COPZ2: variants seen among roughly 807,000 people sequenced by gnomAD.
COPZ2 encodes coat protein complex I subunit zeta 2, also known as coatomer subunit zeta-2.
In COPZ2, 30 loss-of-function variants were observed where a neutral mutation model predicts 33.2. That is an observed-to-expected ratio of 0.90 (90% CI 0.68 to 1.23). The LOEUF (loss-of-function observed/expected upper bound fraction) is 1.23. COPZ2 is among the 50% of genes most tolerant of loss of function. The probability of loss-of-function intolerance (pLI) is 0.00; values close to 1 mark genes in which losing one functional copy is unlikely to be tolerated. For synonymous variants in COPZ2, 89 were observed against 102.6 expected, an observed-to-expected ratio of 0.87 and a Z score of 0.80; for missense variants, 263 against 262.4, an observed-to-expected ratio of 1.00 and a Z score of -0.02.
intron 8 of COPZ2, 107 bp from the exon 9 acceptor site, chr17:48,026,582 A>C (rs2144288471): frequency 1.3e-6 from 1 of 750,344 alleles, no homozygotes; most frequent in South Asian, 1.6e-5. Flanking sequence ...CCCTGCAACC[A>C]CCGGTCACTA....
intron 6 of COPZ2, among the ~76,000 whole-genome samples, chr17:48,031,047 C>T (rs1044358237): frequency 6.6e-6 from 1 of 152,184 alleles, no homozygotes; most frequent in Non-Finnish European, 1.5e-5. Flanking sequence ...TTGGCCCTGC[C>T]ACTCCCTAGC....
At chr17:48,046,013 A>G in the COPZ2 span, 14 of 152,154 alleles carry the variant, frequency 9.2e-5, no homozygotes, top group Non-Finnish European at 1.6e-4. Flanking sequence ...TGGAGCATCA[A>G]ATATCCTGGG....
Position 48,033,924 on chromosome 17 carries a change from G to A in COPZ2, c.207C>T (p.Pro69=). The A allele has an allele frequency of 6.2e-7, 1 of 1,610,402 alleles. No homozygotes were observed. Residue 69 remains proline, a synonymous_variant, in exon 3 of 9, where the codon CCC becomes CCT. Coordinates refer to ENST00000621465, the MANE Select transcript of COPZ2 (RefSeq NM_016429.4). ...LLAKYYDDTF[P]SMKEQMVFEK... is the part of the protein sequence containing the mutation. The stretch of plus-strand genomic sequence containing the variant: ...CGAAAACCATCTGCTCCTTCATGGA[G>A]GGGAATGTGTCATCATAATACTATG...
intron 6 of COPZ2, among the ~76,000 whole-genome samples, chr17:48,029,780 C>T (rs1276298119): frequency 1.3e-5 from 2 of 151,502 alleles, no homozygotes; most frequent in African/African-American, 4.9e-5. Context: ...ACCAGCCTGG[C>T]CAACATGGCG....
intron 8 of COPZ2, among the ~76,000 whole-genome samples, 192 bp from the exon 9 acceptor site, chr17:48,026,667 T>G (rs1192644932): frequency 2.6e-5 from 4 of 152,208 alleles, no homozygotes; most frequent in Non-Finnish European, 4.4e-5. Context: ...CCAAACCGGC[T>G]GCAGCCAGCT....
intron 6 of COPZ2, chr17:48,029,496 A>G: frequency 2.3e-6 from 1 of 433,756 alleles, no homozygotes; most frequent in Non-Finnish European, 4.1e-6. Flanking sequence ...GAGCTCTTGA[A>G]AGTTCACTTC....
At chr17:48,039,456 G>A (rs2037039124), upstream of COPZ2, among the ~76,000 whole-genome samples, 2 of 148,270 alleles carry the variant, frequency 1.3e-5, no homozygotes, top group African/African-American at 5.1e-5. Flanking sequence ...GGCAATGGGA[G>A]TGAGAATCTG....
intron 4 of COPZ2, chr17:48,032,988 G>T (rs1466984049): frequency 1.0e-5 from 6 of 595,520 alleles, no homozygotes; most frequent in Non-Finnish European, 1.2e-5. Flanking sequence ...CTCCCTTGAA[G>T]ATGAAGTGAT....
intron 2 of COPZ2, among the ~76,000 whole-genome samples, chr17:48,036,194 T>C (rs2036980275): frequency 6.6e-6 from 1 of 152,216 alleles, no homozygotes; most frequent in Non-Finnish European, 1.5e-5. Context: ...GCTAATTGAA[T>C]GGGGGTACAG....
Position 48,028,465 on chromosome 17 carries a change from G to T in COPZ2, c.585+7C>A. On this transcript the variant is annotated splice_region_variant and intron_variant, in intron 8 of 8. Transcript: ENST00000621465. The surrounding 1 kb of genome is among the most constrained non-coding windows in gnomAD (Gnocchi z 4.5). ...TTTCTAGCCAAGGCAGATGCAGGGG[G>T]GCCTACCTGGGCCACACTCTGTTCA... is the stretch of plus-strand genomic sequence containing the variant. 6.2e-7 allele frequency: 1 copy of T among 1,608,428 alleles called. No individual in the cohort carries two copies. Among genetic ancestry groups the T allele is most frequent in the Non-Finnish European group, 8.5e-7 (1 of 1,177,494 alleles).
chr17:48,031,611 G>T (rs2036895765), intron 6 of COPZ2: 1 of 153,324 alleles, frequency 6.5e-6, no homozygotes, highest in Non-Finnish European at 1.5e-5. Context: ...CCAATAGGAG[G>T]CAACATCTAT....
In COPZ2 at chr17:48,037,016, A is replaced by G; in HGVS notation, c.112-91T>C. ...TCTGCTGGCCCTAGGATACATCCTC[A>G]GGCCCCAGCAACCCCAGTCCTCAAG... On this transcript the variant is annotated intron_variant, in intron 1 of 8. Coordinates refer to ENST00000621465, the MANE Select transcript of COPZ2 (RefSeq NM_016429.4). This position sits in a 1 kb window ranked among gnomAD's most constrained non-coding sequence, Gnocchi z 5.6. 2 of 1,153,738 alleles carry G rather than the reference A, an allele frequency of 1.7e-6. No individual in the cohort carries two copies. The highest frequency in any genetic ancestry group is 2.6e-6 in the Non-Finnish European group (2 of 768,236). 71.5% of individuals were successfully genotyped at this position (1,153,738 alleles called of 1,614,324 possible).
At chr17:48,038,936 T>G (rs2037032999), upstream of COPZ2, among the ~76,000 whole-genome samples, 1 of 152,200 alleles carries the variant, frequency 6.6e-6, no homozygotes. Flanking sequence ...CCTATTTCTT[T>G]CTTTCATTGC....
chr17:48,036,778 G>T, intron 2 of COPZ2, 73 bp downstream of exon 2: 1 of 1,406,228 alleles, frequency 7.1e-7, no homozygotes, highest in Non-Finnish European at 1.0e-6. Context: ...AGAGATCACA[G>T]TGGAGTTTCT....
intron 6 of COPZ2, among the ~76,000 whole-genome samples, chr17:48,030,331 A>ACACACACACACAC (rs1555571321): frequency 8.9e-6 from 1 of 111,800 alleles, no homozygotes; most frequent in South Asian, 3.2e-4. Flanking sequence ...CACACACACA[A>ACACACACACACAC]AGAAACAAAC....
At chr17:48,039,763 C>T (rs1322287294), upstream of COPZ2, among the ~76,000 whole-genome samples, 6 of 152,138 alleles carry the variant, frequency 3.9e-5, no homozygotes, top group Non-Finnish European at 2.9e-5. Context: ...TGTTTTGAGA[C>T]AGGGTCTTGC....
chr17:48,044,763 G>C, the COPZ2 span, among the ~76,000 whole-genome samples: 1 of 152,018 alleles, frequency 6.6e-6, no homozygotes, highest in South Asian at 2.1e-4. Flanking sequence ...CATATGTCCG[G>C]ATTTGCCAGA....
the COPZ2 span, chr17:48,047,239 CAGTTG>C: frequency 6.6e-5 from 10 of 152,184 alleles, no homozygotes; most frequent in South Asian, 2.1e-4. Context: ...TAAGAAGACA[CAGTTG>C]AGTTGACACC....
At chr17:48,040,777 A>G (rs185311344), upstream of COPZ2, among the ~76,000 whole-genome samples, 58 of 152,220 alleles carry the variant, frequency 3.8e-4, 2 homozygotes, top group Admixed American at 3.4e-3. Context: ...GAATAAAGGA[A>G]TTCAGGATGA....
Sources: allele counts gnomAD v4.1 joint callset (sites outside exome capture counted in the v4.1 genomes callset), GRCh38; gene constraint gnomAD v4.1.1; non-coding constraint Gnocchi (gnomAD v3.1); transcripts MANE v1.5; gene names NCBI Gene and HGNC (gene_info 2026-07-23, HGNC 2026-07-21).